Variants in ZFHX3 observed in about 807,000 individuals in gnomAD.
The protein encoded by ZFHX3 is zinc finger homeobox 3.
ZFHX3 carries 42 observed loss-of-function variants against 279.1 expected under a neutral mutation model. The ratio of observed to expected loss-of-function variants is 0.15; its 90% CI spans 0.12 to 0.19. The LOEUF is 0.19. Among genes scored for constraint, ZFHX3 ranks in the 10% least tolerant of loss-of-function variants. The probability of loss-of-function intolerance (pLI) is 1.00; values close to 1 mark genes in which losing one functional copy is unlikely to be tolerated. For missense variants in ZFHX3, 4,981 were observed against 4,754.0 expected, an observed-to-expected ratio of 1.05 and a Z score of -1.40; for synonymous variants, 2,293 against 1,957.8, an observed-to-expected ratio of 1.17 and a Z score of -4.52.
intron 1 of ZFHX3, among the ~76,000 whole-genome samples, chr16:73,698,380 A>C (rs1366384979): frequency 1.3e-5 from 2 of 152,196 alleles, no homozygotes; most frequent in African/African-American, 4.8e-5. Flanking sequence ...GAATTGTTAG[A>C]GGTAAGGCCC....
intron 2 of ZFHX3, among the ~76,000 whole-genome samples, chr16:73,625,948 C>T (rs2052411582): frequency 1.3e-5 from 2 of 152,204 alleles, no homozygotes; most frequent in Non-Finnish European, 2.9e-5. Flanking sequence ...AGCTCCGCCT[C>T]CCGGGTTCAT....
intron 2 of ZFHX3, among the ~76,000 whole-genome samples, chr16:73,514,845 A>C (rs2019492849): frequency 6.6e-6 from 1 of 152,096 alleles, no homozygotes; most frequent in African/African-American, 2.4e-5. Context: ...AGCTGACATG[A>C]ACTTTCAATG....
At chr16:73,358,138 G>A (rs1251249777) in intron 3 of ZFHX3, among the ~76,000 whole-genome samples, 1 of 152,188 alleles carries the variant, frequency 6.6e-6, no homozygotes, top group East Asian at 1.9e-4. Flanking sequence ...TCTTTGAGAC[G>A]CCTTGCTTTG....
chr16:72,969,342 T>G (rs1555535560), intron 1 of ZFHX3, among the ~76,000 whole-genome samples: 1 of 152,036 alleles, frequency 6.6e-6, no homozygotes, highest in Non-Finnish European at 1.5e-5. Flanking sequence ...GACAAATAAA[T>G]GGCCATTCCA....
intron 1 of ZFHX3, among the ~76,000 whole-genome samples, chr16:72,998,696 C>T (rs1450573887): frequency 6.6e-6 from 1 of 152,148 alleles, no homozygotes; most frequent in African/African-American, 2.4e-5. Context: ...CTGATCTGGC[C>T]CCACTGTAAT....
intron 3 of ZFHX3, among the ~76,000 whole-genome samples, chr16:73,342,858 A>G (rs1298160238): frequency 6.6e-6 from 1 of 152,232 alleles, no homozygotes; most frequent in African/African-American, 2.4e-5. Context: ...AAATGAACCA[A>G]AAAGTATTTC....
At chr16:73,265,086 T>TGTGC (rs1466134363) in intron 4 of ZFHX3, among the ~76,000 whole-genome samples, 1 of 151,244 alleles carries the variant, frequency 6.6e-6, no homozygotes, top group Non-Finnish European at 1.5e-5. Flanking sequence ...TGCGTGTGTG[T>TGTGC]GTGTGTGTGT....
chr16:73,653,377 T>C (rs940795183), intron 2 of ZFHX3, among the ~76,000 whole-genome samples: 1 of 152,116 alleles, frequency 6.6e-6, no homozygotes, highest in Non-Finnish European at 1.5e-5. Flanking sequence ...GAACTGAAAT[T>C]ATACAGAGCA....
intron 1 of ZFHX3, among the ~76,000 whole-genome samples, chr16:73,841,222 T>C (rs543153720): frequency 4.6e-5 from 7 of 152,172 alleles, no homozygotes; most frequent in Admixed American, 1.3e-4. Context: ...GGCAGAGGTC[T>C]TATGAGCCCA....
At chr16:73,019,752 C>G (rs1964237696) in intron 1 of ZFHX3, among the ~76,000 whole-genome samples, 1 of 152,190 alleles carries the variant, frequency 6.6e-6, no homozygotes, top group African/African-American at 2.4e-5. Context: ...CCCCTCATCC[C>G]ACGTAGAGCA....
chr16:73,492,532 T>C (rs901594120), intron 2 of ZFHX3, among the ~76,000 whole-genome samples: 2 of 152,208 alleles, frequency 1.3e-5, no homozygotes, highest in African/African-American at 4.8e-5. Context: ...CTAGAATCAA[T>C]AGACCTACAT....
Position 72,959,683 on chromosome 16 carries a change from C to T in ZFHX3, c.463G>A (p.Gly155Ser), listed in dbSNP as rs748592679. ...CTGCCACTGCCACTCCCACAGGCGC[C>T]CCCGCCCTGGGTCAGCTGGCTCAGG... is the stretch of plus-strand genomic sequence containing the variant. ...ESLSQLTQGG[G>S]ACGSGSGSGP... Residue 155 changes from glycine to serine, a missense_variant, in exon 2 of 10, where the codon GGC becomes AGC. Gly to Ser is a moderately conservative substitution (Grantham distance 56). Coordinates refer to ENST00000268489, the MANE Select transcript of ZFHX3 (RefSeq NM_006885.4). The T allele has an allele frequency of 1.2e-6, 2 of 1,613,928 alleles. No individual in the cohort carries two copies. The highest frequency in any genetic ancestry group is 8.5e-7 in the Non-Finnish European group (1 of 1,180,002).
intron 2 of ZFHX3, among the ~76,000 whole-genome samples, chr16:73,574,345 G>C (rs1021472021): frequency 7.9e-5 from 12 of 151,396 alleles, no homozygotes; most frequent in Non-Finnish European, 1.2e-4. Flanking sequence ...CATTTCTTGG[G>C]CCCCCCCCAG....
At chr16:73,847,860 C>G (rs918261001) in intron 1 of ZFHX3, among the ~76,000 whole-genome samples, 1 of 151,026 alleles carries the variant, frequency 6.6e-6, no homozygotes, top group African/African-American at 2.4e-5. Context: ...GCCTCAGCCT[C>G]CCGAGTAGCT....
At chr16:73,863,460 C>A (rs1597148876) in intron 1 of ZFHX3, among the ~76,000 whole-genome samples, 2 of 152,058 alleles carry the variant, frequency 1.3e-5, no homozygotes. Context: ...TAAACCAAAG[C>A]CACCCTTGTG....
intron 2 of ZFHX3, among the ~76,000 whole-genome samples, chr16:73,513,418 C>A (rs1290644724): frequency 4.6e-5 from 7 of 152,150 alleles, no homozygotes; most frequent in Admixed American, 3.3e-4. Flanking sequence ...GCACTGACAC[C>A]TCTCTCAATG....
At chr16:73,635,617 C>T (rs2052520888) in intron 2 of ZFHX3, among the ~76,000 whole-genome samples, 2 of 152,110 alleles carry the variant, frequency 1.3e-5, no homozygotes, top group Admixed American at 1.3e-4. Context: ...AACCTCTCAC[C>T]CTGTGATCCT....
In ZFHX3 at chr16:72,786,807, G is replaced by A. The variant is rs1456411341; in HGVS notation, c.*357C>T. The A allele has an allele frequency of 6.4e-6, 1 of 155,242 alleles. No homozygotes were observed. The highest frequency in any genetic ancestry group is 6.5e-5 in the Admixed American group (1 of 15,304). 9.6% of individuals were successfully genotyped at this position (155,242 alleles called of 1,614,324 possible). A position where few individuals can be genotyped will look rare whatever the true frequency, so the allele number is the denominator to read the frequency against. The stretch of plus-strand genomic sequence containing the variant: ...CGGGCTCCTCTGTGCTATCAGCGTG[G>A]GGCGTTTATTGAAAAGGGGCAAATA... On this transcript the variant is annotated 3_prime_UTR_variant, in exon 10 of 10. Transcript: ENST00000268489.
intron 2 of ZFHX3, among the ~76,000 whole-genome samples, chr16:73,590,565 C>T (rs1006364544): frequency 7.9e-5 from 12 of 152,184 alleles, no homozygotes; most frequent in African/African-American, 2.9e-4. Context: ...TTCACAGTAA[C>T]ATTTCTGATG....
Sources: allele counts gnomAD v4.1 joint callset (sites outside exome capture counted in the v4.1 genomes callset), GRCh38; gene constraint gnomAD v4.1.1; transcripts MANE v1.5; gene names NCBI Gene and HGNC (gene_info 2026-07-23, HGNC 2026-07-21).